The following RERE variants were observed in gnomAD, a reference collection of about 807,000 sequenced individuals.
RERE encodes arginine-glutamic acid dipeptide repeats.
A neutral mutation model predicts 146.1 loss-of-function variants in RERE; 40 were observed. The ratio of observed to expected loss-of-function variants is 0.27; its 90% CI spans 0.21 to 0.36. The LOEUF (loss-of-function observed/expected upper bound fraction) is 0.36, where lower values mean the gene tolerates loss of function less well. RERE is among the 10% of genes least tolerant of loss of function. RERE has a pLI of 1.00. For missense variants in RERE, 1,933 were observed against 2,138.7 expected (o/e 0.90, Z 1.90); for synonymous variants, 1,003 against 866.0 (o/e 1.16, Z -2.78).
chr1:8,500,934 C>T (rs1294301550), intron 8 of RERE, among the ~76,000 whole-genome samples: 3 of 150,644 alleles, frequency 2.0e-5, no homozygotes, highest in Admixed American at 1.3e-4. Flanking sequence ...CTCTGCCTGG[C>T]AACCGCCCCG....
chr1:8,559,400 T>A (rs2124429827), intron 4 of RERE, among the ~76,000 whole-genome samples: 1 of 149,610 alleles, frequency 6.7e-6, no homozygotes, highest in African/African-American at 2.5e-5. Flanking sequence ...CCTACAAAAA[T>A]ACGGCATCAT....
intron 1 of RERE, among the ~76,000 whole-genome samples, chr1:8,730,117 G>A (rs931853421): frequency 3.9e-5 from 6 of 152,118 alleles, no homozygotes; most frequent in South Asian, 2.1e-4. Context: ...TGAACTTGAG[G>A]TAAATACCAA....
intron 1 of RERE, among the ~76,000 whole-genome samples, chr1:8,671,776 G>A (rs1638723265): frequency 6.6e-6 from 1 of 152,098 alleles, no homozygotes; most frequent in African/African-American, 2.4e-5. Context: ...AATTTAATGG[G>A]TTCGCTAGTG....
At position 8,356,413 on chromosome 1, in the gene RERE, C is replaced by T. The variant is rs1057393076; in HGVS notation, c.4340-167G>A. Among the ~76,000 whole-genome samples, 1 of 152,174 alleles carries T rather than the reference C, an allele frequency of 6.6e-6. No homozygotes were observed. The highest frequency in any genetic ancestry group is 1.5e-5 in the Non-Finnish European group (1 of 68,014). ...TGGCCCTGCCCCAAAGTGGCTGCCT[C>T]CACCTTCAGCAAGAGCTCCAGAGGC... On this transcript the variant is annotated intron_variant, in intron 20 of 22. Coordinates refer to ENST00000400908, the MANE Select transcript of RERE (RefSeq NM_001042681.2). This position sits in a 1 kb window ranked among gnomAD's most constrained non-coding sequence, Gnocchi z 5.2.
Position 8,364,188 on chromosome 1 carries a change from G to A in RERE, c.1608C>T (p.Phe536=), listed in dbSNP as rs546190243. 106 of 1,614,212 alleles carry A rather than the reference G, an allele frequency of 6.6e-5. 1 individual carries two copies. The South Asian group carries it at 1.1e-3, about 17-fold the overall frequency. Residue 536 remains phenylalanine, a synonymous_variant, in exon 15 of 23, where the codon TTC becomes TTT. Transcript: ENST00000400908. The surrounding 1 kb of genome is among the most constrained non-coding windows in gnomAD (Gnocchi z 5.1). ...ILLCTDCRIH[F]KKYGELPPIE... is the part of the protein sequence containing the mutation. Reference sequence around the variant, plus strand: ...TGGGCGGGAGCTCACCGTATTTCTTGAAGTGGATGCGACAGTCGGTGCAAA... The same window carrying A: ...TGGGCGGGAGCTCACCGTATTTCTTAAAGTGGATGCGACAGTCGGTGCAAA...
intron 12 of RERE, among the ~76,000 whole-genome samples, chr1:8,418,495 C>T (rs1350251305): frequency 6.6e-6 from 1 of 152,178 alleles, no homozygotes; most frequent in Non-Finnish European, 1.5e-5. Context: ...CGGCAGGTCA[C>T]TGAGGAAGCG....
chr1:8,743,421 GGCT>G (rs1640351963), intron 1 of RERE, among the ~76,000 whole-genome samples: 1 of 118,998 alleles, frequency 8.4e-6, no homozygotes, highest in South Asian at 2.7e-4. Flanking sequence ...TGGGACTACA[GGCT>G]AATTTTTTTT....
chr1:8,511,303 TA>T (rs2124308759), intron 7 of RERE, among the ~76,000 whole-genome samples: 1 of 152,352 alleles, frequency 6.6e-6, no homozygotes, highest in African/African-American at 2.4e-5. Context: ...GGAAGAGTAC[TA>T]ATAAGTAGGC....
Position 8,362,819 on chromosome 1 carries a change from T to C in RERE, c.1766A>G (p.Lys589Arg). 6.2e-7 allele frequency: 1 copy of C among 1,613,878 alleles called. No homozygotes were observed. The highest frequency in any genetic ancestry group is 8.5e-7 in the Non-Finnish European group (1 of 1,179,944). Reference sequence around the variant, plus strand: ...ACCATCAGGGCTGGCTGGCTGCTTCTTCCGACCACTGCGTAGTGTCGACAT... The same window carrying C: ...ACCATCAGGGCTGGCTGGCTGCTTCCTCCGACCACTGCGTAGTGTCGACAT... The part of the protein sequence containing the change: ...GSMSTLRSGR[K>R]KQPASPDGRT... Residue 589 changes from lysine to arginine, a missense_variant, in exon 16 of 23, where the codon AAG becomes AGG. This residue lies in a region of RERE where 1,255 missense variants were observed against 1,153.8 expected (regional missense o/e 1.09). Transcript: ENST00000400908.
intron 3 of RERE, among the ~76,000 whole-genome samples, chr1:8,616,648 T>C (rs567498633): frequency 2.1e-4 from 32 of 152,318 alleles, no homozygotes; most frequent in African/African-American, 7.5e-4. Context: ...ATATATTTTA[T>C]GGAAATATAT....
intron 1 of RERE, among the ~76,000 whole-genome samples, chr1:8,695,587 T>TTA (rs1176262941): frequency 1.6e-4 from 6 of 36,742 alleles, no homozygotes; most frequent in Non-Finnish European, 2.8e-4. Flanking sequence ...CCATTTCTAC[T>TTA]AAAAAAAAAA....
intron 12 of RERE, among the ~76,000 whole-genome samples, chr1:8,371,009 CACA>C (rs1488598153): frequency 2.0e-5 from 3 of 152,124 alleles, no homozygotes; most frequent in Admixed American, 1.3e-4. Context: ...CACCTCATCT[CACA>C]ACAAGGTCTC....
At chr1:8,487,809 CTGAT>C (rs1189675158) in intron 10 of RERE, among the ~76,000 whole-genome samples, 1 of 152,068 alleles carries the variant, frequency 6.6e-6, no homozygotes, top group East Asian at 1.9e-4. Context: ...CATATAAAAA[CTGAT>C]TGTGTTTCTA....
At chr1:8,357,145 C>T (rs554339055) in intron 20 of RERE, among the ~76,000 whole-genome samples, 1 of 152,380 alleles carries the variant, frequency 6.6e-6, no homozygotes, top group East Asian at 1.9e-4. Flanking sequence ...CAACTATCTC[C>T]CCAAACTGGA....
At chr1:8,682,349 C>A (rs981541065) in intron 1 of RERE, among the ~76,000 whole-genome samples, 1 of 152,180 alleles carries the variant, frequency 6.6e-6, no homozygotes, top group African/African-American at 2.4e-5. Flanking sequence ...ATCTCTTTAT[C>A]AATACCACAG....
rs1216467734 is a variant in RERE at position 8,498,726 on chromosome 1, A to AATAT, written c.880-1201_880-1198dup. The stretch of plus-strand genomic sequence containing the variant: ...AAAAAAAAATAAAAAAAAAAAAATA[A>AATAT]ATATATACACACACACACACACACA... On this transcript the variant is annotated intron_variant, in intron 8 of 22. Transcript: ENST00000400908. 1.6e-3 allele frequency among the ~76,000 whole-genome samples: 25 copies of AATAT among 15,338 alleles called. 1 individual carries two copies. In the South Asian group the frequency reaches 0.038, roughly 23 times the overall value. 10.1% of individuals were successfully genotyped at this position (15,338 alleles called of 152,430 possible).
intron 1 of RERE, among the ~76,000 whole-genome samples, chr1:8,759,067 G>C (rs1217539074): frequency 6.6e-6 from 1 of 152,120 alleles, no homozygotes; most frequent in Non-Finnish European, 1.5e-5. Flanking sequence ...CTTAAGCCCA[G>C]GAGTTGGAGA....
chr1:8,642,924 T>C (rs912516924), intron 2 of RERE, among the ~76,000 whole-genome samples: 2 of 152,184 alleles, frequency 1.3e-5, no homozygotes. Flanking sequence ...CACTCACATC[T>C]AGCAGCTAAC....
Position 8,356,155 on chromosome 1 carries a change from G to A in RERE, c.4431C>T (p.Asn1477=), listed in dbSNP as rs1005940068. 2.0e-5 allele frequency: 30 copies of A among 1,521,136 alleles called. No individual in the cohort carries two copies. Among genetic ancestry groups the A allele is most frequent in the Non-Finnish European group, 1.9e-5 (22 of 1,142,972 alleles). 94.2% of individuals were successfully genotyped at this position (1,521,136 alleles called of 1,614,324 possible). A position where few individuals can be genotyped will look rare whatever the true frequency, so the allele number is the denominator to read the frequency against. ...CGTGTGGGGGCTGTCCAAGCAGAGG[G>A]TTGGGGAGAGTGCCAGGCGGGTAGG... The part of the protein sequence containing the change: ...RFPYPPGTLP[N]PLLGQPPHEH... The change falls in exon 21 of 23, where the codon AAC becomes AAT. Residue 1477 remains asparagine (N), a synonymous_variant. Transcript: ENST00000400908. The surrounding 1 kb of genome is among the most constrained non-coding windows in gnomAD (Gnocchi z 5.2).
Sources: allele counts gnomAD v4.1 joint callset (sites outside exome capture counted in the v4.1 genomes callset), GRCh38; gene constraint gnomAD v4.1.1; regional missense constraint gnomAD v4.1.1; non-coding constraint Gnocchi (gnomAD v3.1); transcripts MANE v1.5; gene names NCBI Gene and HGNC (gene_info 2026-07-23, HGNC 2026-07-21).